PLEKHM1: variants seen among roughly 807,000 people sequenced by gnomAD.
The protein encoded by PLEKHM1 is pleckstrin homology and RUN domain containing M1.
A neutral mutation model predicts 94.3 loss-of-function variants in PLEKHM1; 28 were observed. That is an observed-to-expected ratio of 0.30 (90% CI 0.22 to 0.41). The LOEUF is 0.41. PLEKHM1 is among the 10% of genes least tolerant of loss of function. PLEKHM1 has a pLI of 1.00. For missense variants in PLEKHM1, 907 were observed against 1,358.6 expected (o/e 0.67, Z 5.22); for synonymous variants, 424 against 581.2 (o/e 0.73, Z 3.89).
chr17:45,490,329 G>A (rs559033738), intron 1 of PLEKHM1, among the ~76,000 whole-genome samples: 1 of 152,248 alleles, frequency 6.6e-6, no homozygotes, highest in African/African-American at 2.4e-5. Context: ...GCGAAGGGAC[G>A]TGGCCGAGAT....
At chr17:45,448,981 C>T (rs1164778036) in intron 8 of PLEKHM1, among the ~76,000 whole-genome samples, 1 of 151,898 alleles carries the variant, frequency 6.6e-6, no homozygotes, top group African/African-American at 2.4e-5. Context: ...AAGGGTATAC[C>T]CCGAAATGTT....
At chr17:45,449,636 A>C (rs2050710324) in intron 8 of PLEKHM1, among the ~76,000 whole-genome samples, 1 of 151,434 alleles carries the variant, frequency 6.6e-6, no homozygotes, top group Non-Finnish European at 1.5e-5. Context: ...TCACCTACCT[A>C]CCTACCCATC....
rs1471868524 is a variant in PLEKHM1 at position 45,468,375 on chromosome 17, G to C, written c.1142C>G (p.Pro381Arg). Residue 381 changes from proline to arginine, a missense_variant, in exon 5 of 12, where the codon CCC becomes CGC. Coordinates refer to ENST00000430334, the MANE Select transcript of PLEKHM1 (RefSeq NM_014798.3). ...AGGCTGCTGTAAGTCCAGGGGGCTGGGCGCCTGGGGACGCGGCTCCTGCAC... is the reference window on the plus strand; with the variant it reads ...AGGCTGCTGTAAGTCCAGGGGGCTGCGCGCCTGGGGACGCGGCTCCTGCAC... The part of the protein sequence containing the change: ...VHVQEPRPQA[P>R]SPLDLQQPVE... 3 of 1,614,162 alleles carry C rather than the reference G, an allele frequency of 1.9e-6. No homozygotes were observed. The highest frequency in any genetic ancestry group is 1.3e-5 in the African/African-American group (1 of 75,064).
chr17:45,490,266 G>GC (rs1482542483), intron 1 of PLEKHM1, among the ~76,000 whole-genome samples: 2 of 152,020 alleles, frequency 1.3e-5, no homozygotes, highest in African/African-American at 2.4e-5. Flanking sequence ...TAAGCGCGGA[G>GC]CATCGGGATT....
Position 45,469,268 on chromosome 17 carries a change from A to G in PLEKHM1, c.924-675T>C, listed in dbSNP as rs148737608. ...CGAGATGTGCCCCTGCTCACTCTCT[A>G]TGGTGGGACTGCCACTCCCTGTCTC... On this transcript the variant is annotated intron_variant, in intron 4 of 11. Transcript: ENST00000430334. 1.3e-4 allele frequency among the ~76,000 whole-genome samples: 20 copies of G among 152,210 alleles called. No homozygotes were observed. The East Asian group carries it at 1.7e-3, about 13-fold the overall frequency.
chr17:45,441,778 T>C (rs2050454910), intron 9 of PLEKHM1, among the ~76,000 whole-genome samples: 1 of 152,138 alleles, frequency 6.6e-6, no homozygotes, highest in Non-Finnish European at 1.5e-5. Context: ...CAGGCCTACT[T>C]GGGGCCTCAG....
chr17:45,454,546 C>G lies in PLEKHM1; in HGVS notation c.1580-274G>C, dbSNP rs1027451343. ...CCACACGCCCTGTTCCCTACACCCACGCCTTCCCTCCTGCTGCCAGGGATG... is the reference window on the plus strand; with the variant it reads ...CCACACGCCCTGTTCCCTACACCCAGGCCTTCCCTCCTGCTGCCAGGGATG... On this transcript the variant is annotated intron_variant, in intron 6 of 11. Coordinates refer to ENST00000430334, the MANE Select transcript of PLEKHM1 (RefSeq NM_014798.3). 5 of 587,816 alleles carry G rather than the reference C, an allele frequency of 8.5e-6. No individual in the cohort carries two copies. In the East Asian group the frequency reaches 1.4e-4, roughly 17 times the overall value. The allele number at this position is 587,816 out of a possible 1,614,324, so 36.4% of individuals were successfully genotyped here.
rs1026065241 is a variant in PLEKHM1, at chr17:45,476,197, A to ATT, written c.297-473_297-472dup. On this transcript the variant is annotated intron_variant, in intron 3 of 11. Transcript: ENST00000430334. ...AAATATAAATTATATATATTTATAC[A>ATT]TTATATATATATATATATTTTGAGA... is the stretch of plus-strand genomic sequence containing the variant. 27 of 142,840 alleles carry ATT rather than the reference A, an allele frequency of 1.9e-4. 1 individual carries two copies. Among genetic ancestry groups the ATT allele is most frequent in the African/African-American group, 6.5e-4 (26 of 39,974 alleles). The allele number at this position is 142,840 out of a possible 1,614,324, so 8.8% of individuals were successfully genotyped here.
intron 4 of PLEKHM1, among the ~76,000 whole-genome samples, chr17:45,473,419 C>T (rs1245746923): frequency 1.3e-5 from 2 of 151,480 alleles, no homozygotes; most frequent in Non-Finnish European, 2.9e-5. Context: ...GTGAGACCCC[C>T]GTCTCTATAA....
intron 9 of PLEKHM1, among the ~76,000 whole-genome samples, chr17:45,440,663 C>T (rs1466890060): frequency 1.3e-5 from 2 of 152,176 alleles, no homozygotes; most frequent in Non-Finnish European, 2.9e-5. Context: ...TATCACAATC[C>T]CAACTCTGAG....
At chr17:45,441,441 C>T (rs914420351) in intron 9 of PLEKHM1, among the ~76,000 whole-genome samples, 8 of 152,228 alleles carry the variant, frequency 5.3e-5, no homozygotes, top group African/African-American at 1.9e-4. Context: ...CCCCAGTAAA[C>T]TTCCTGCACT....
chr17:45,480,432 C>A (rs1289632908), intron 2 of PLEKHM1, among the ~76,000 whole-genome samples: 1 of 151,956 alleles, frequency 6.6e-6, no homozygotes, highest in East Asian at 1.9e-4. Flanking sequence ...TGTAGTGAGT[C>A]AAGATTGTGC....
Position 45,437,433 on chromosome 17 carries a change from A to C in PLEKHM1, c.*425T>G, listed in dbSNP as rs929448628. 5.9e-5 allele frequency: 27 copies of C among 459,006 alleles called. No homozygotes were observed. The highest frequency in any genetic ancestry group is 4.6e-4 in the African/African-American group (23 of 50,270). 28.4% of individuals were successfully genotyped at this position (459,006 alleles called of 1,614,324 possible). A position where few individuals can be genotyped will look rare whatever the true frequency, so the allele number is the denominator to read the frequency against. On this transcript the variant is annotated 3_prime_UTR_variant, in exon 12 of 12. Coordinates refer to ENST00000430334, the MANE Select transcript of PLEKHM1 (RefSeq NM_014798.3). This position sits in a 1 kb window ranked among gnomAD's most constrained non-coding sequence, Gnocchi z 4.0. Reference sequence around the variant, plus strand: ...ACTCACGTAGGGTCAAGAATAAAAAAATACTTTCTGTTGAAATATGAATGG... The same window carrying C: ...ACTCACGTAGGGTCAAGAATAAAAACATACTTTCTGTTGAAATATGAATGG...
intron 9 of PLEKHM1, 105 bp from the exon 10 acceptor site, chr17:45,440,331 C>A (rs1428718530): frequency 8.6e-6 from 10 of 1,162,336 alleles, no homozygotes; most frequent in Non-Finnish European, 1.3e-5. Flanking sequence ...GCAGACACCC[C>A]CCGCCTGGGC....
intron 5 of PLEKHM1, among the ~76,000 whole-genome samples, chr17:45,467,462 A>G (rs1485475421): frequency 1.3e-5 from 2 of 152,192 alleles, no homozygotes; most frequent in Non-Finnish European, 2.9e-5. Context: ...GAGTATGCTC[A>G]AGGCCTAGTA....
intron 2 of PLEKHM1, among the ~76,000 whole-genome samples, chr17:45,479,384 T>C (rs2051863906): frequency 6.6e-6 from 1 of 152,104 alleles, no homozygotes. Flanking sequence ...CTGGGCGTGG[T>C]GGCAGCGCCT....
At position 45,437,771 on chromosome 17, in the gene PLEKHM1, T is replaced by C. The variant is rs760361896; in HGVS notation, c.*87A>G. ...ACAAGGGGACACAGCTGTGACACGG[T>C]GAGTATCCTGGGCTGATGGCAAACC... On this transcript the variant is annotated 3_prime_UTR_variant, in exon 12 of 12. Coordinates refer to ENST00000430334, the MANE Select transcript of PLEKHM1 (RefSeq NM_014798.3). This position sits in a 1 kb window ranked among gnomAD's most constrained non-coding sequence, Gnocchi z 4.0. 3 of 997,082 alleles carry C rather than the reference T, an allele frequency of 3.0e-6. No homozygotes were observed. The East Asian group carries it at 7.1e-5, about 24-fold the overall frequency. 61.8% of individuals were successfully genotyped at this position (997,082 alleles called of 1,614,324 possible).
intron 4 of PLEKHM1, among the ~76,000 whole-genome samples, chr17:45,469,487 G>A (rs9903522): frequency 0.48 from 73,707 of 151,990 alleles, 18,696 homozygotes; most frequent in South Asian, 0.61. Flanking sequence ...AAATAAACCC[G>A]TTTGCTATCT....
At chr17:45,485,450 C>T (rs1361593616) in intron 1 of PLEKHM1, among the ~76,000 whole-genome samples, 7 of 152,194 alleles carry the variant, frequency 4.6e-5, no homozygotes, top group Non-Finnish European at 8.8e-5. Context: ...GGCCGGGACC[C>T]TAAGGACTTA....
Sources: gnomAD v4.1 joint callset for allele counts (sites outside exome capture counted in the v4.1 genomes callset) on GRCh38, gnomAD v4.1.1 for gene constraint, Gnocchi (gnomAD v3.1) non-coding constraint, MANE v1.5 for transcripts, NCBI Gene and HGNC (gene_info 2026-07-23, HGNC 2026-07-21) for gene names.